Variants in ADAMTSL1 observed in about 807,000 individuals in gnomAD.
ADAMTSL1 encodes the protein ADAMTS like 1, also known as ADAMTS-like protein 1.
Under a neutral mutation model 201.8 loss-of-function variants are expected in ADAMTSL1, and 126 were observed. The ratio of observed to expected loss-of-function variants is 0.62; its 90% CI spans 0.54 to 0.72. The LOEUF (loss-of-function observed/expected upper bound fraction) is 0.72, where lower values mean the gene tolerates loss of function less well. ADAMTSL1 is among the 30% of genes least tolerant of loss of function. ADAMTSL1 has a pLI of 0.00. For missense variants in ADAMTSL1, 2,679 were observed against 2,277.8 expected, an observed-to-expected ratio of 1.18 and a Z score of -3.59; for synonymous variants, 1,121 against 903.4, an observed-to-expected ratio of 1.24 and a Z score of -4.32.
chr9:18,774,359 G>A (rs1820861896), intron 17 of ADAMTSL1, among the ~76,000 whole-genome samples: 1 of 151,950 alleles, frequency 6.6e-6, no homozygotes, highest in Non-Finnish European at 1.5e-5. Context: ...CTTAGAACTT[G>A]AGCCCTCTGT....
intron 20 of ADAMTSL1, among the ~76,000 whole-genome samples, chr9:18,801,028 T>A (rs764326152): frequency 6.6e-6 from 1 of 152,180 alleles, no homozygotes; most frequent in Non-Finnish European, 1.5e-5. Flanking sequence ...AACAAGGATA[T>A]GAGAAGGAAG....
At chr9:18,150,798 C>A (rs764524419) in intron 1 of ADAMTSL1, among the ~76,000 whole-genome samples, 7 of 151,876 alleles carry the variant, frequency 4.6e-5, no homozygotes, top group Non-Finnish European at 8.8e-5. Flanking sequence ...TTGCCTTAAT[C>A]AACAGGAAAG....
chr9:18,585,633 C>A (rs778306185), intron 4 of ADAMTSL1, among the ~76,000 whole-genome samples: 6 of 151,986 alleles, frequency 3.9e-5, no homozygotes, highest in Non-Finnish European at 7.4e-5. Flanking sequence ...CAAAACCTGG[C>A]AGAGAGAGAC....
At chr9:18,571,042 C>T (rs1450978009) in intron 3 of ADAMTSL1, among the ~76,000 whole-genome samples, 1 of 152,164 alleles carries the variant, frequency 6.6e-6, no homozygotes, top group Non-Finnish European at 1.5e-5. Flanking sequence ...AACATTTTAA[C>T]TTCATTGGTT....
rs182452618 is a variant in ADAMTSL1 at position 18,039,514 on chromosome 9, T to A, written c.88-124348T>A. On this transcript the variant is annotated intron_variant, in intron 1 of 29. Transcript: ENST00000680146. ...TATTGGTGTATTTTTATTTTATGAA[T>A]TTTTCTTGTTATGGGATAGGGTTTC... Among the ~76,000 whole-genome samples, 143 of 152,306 alleles carry A rather than the reference T, an allele frequency of 9.4e-4. 3 individuals are homozygous for A. The highest frequency in any genetic ancestry group is 3.1e-3 in the African/African-American group (129 of 41,574).
At chr9:17,926,252 A>T (rs1588426888) in intron 1 of ADAMTSL1, among the ~76,000 whole-genome samples, 1 of 152,204 alleles carries the variant, frequency 6.6e-6, no homozygotes, top group Admixed American at 6.5e-5. Context: ...GTGCTTATTT[A>T]TTGGTATAAG....
At chr9:18,210,912 G>C (rs923282140) in intron 2 of ADAMTSL1, among the ~76,000 whole-genome samples, 1 of 151,654 alleles carries the variant, frequency 6.6e-6, no homozygotes, top group African/African-American at 2.4e-5. Flanking sequence ...TCTAGAGACA[G>C]AGACATTAGA....
intron 1 of ADAMTSL1, among the ~76,000 whole-genome samples, chr9:17,937,415 T>C (rs1357235441): frequency 3.9e-5 from 6 of 152,050 alleles, no homozygotes; most frequent in Admixed American, 1.3e-4. Context: ...GGCTCCACAC[T>C]GCCTCTCAAT....
At chr9:18,565,567 T>C (rs1821832059) in intron 3 of ADAMTSL1, among the ~76,000 whole-genome samples, 1 of 111,904 alleles carries the variant, frequency 8.9e-6, no homozygotes, top group African/African-American at 3.7e-5. Context: ...ATCCTAGTTA[T>C]GAAAAAAAAA....
intron 20 of ADAMTSL1, among the ~76,000 whole-genome samples, chr9:18,802,698 T>G (rs187739176): frequency 3.3e-5 from 5 of 152,326 alleles, no homozygotes; most frequent in Admixed American, 2.6e-4. Flanking sequence ...GTGGACATAT[T>G]TTTTATTTCT....
At chr9:18,631,720 G>T (rs971957833) in intron 5 of ADAMTSL1, among the ~76,000 whole-genome samples, 1 of 152,142 alleles carries the variant, frequency 6.6e-6, no homozygotes, top group African/African-American at 2.4e-5. Context: ...ATTCTATATA[G>T]AAAGTTGTGT....
chr9:18,481,310 C>T (rs1036923414), intron 1 of ADAMTSL1, among the ~76,000 whole-genome samples: 15 of 152,082 alleles, frequency 9.9e-5, no homozygotes, highest in Non-Finnish European at 1.5e-4. Flanking sequence ...TCTGGGAGGC[C>T]GAGGAGGGTG....
chr9:18,025,976 T>A (rs985856783), intron 1 of ADAMTSL1, among the ~76,000 whole-genome samples: 2 of 152,088 alleles, frequency 1.3e-5, no homozygotes, highest in Non-Finnish European at 2.9e-5. Context: ...ACCTCCTTGG[T>A]TAGATGTATT....
chr9:18,799,402 G>A, intron 20 of ADAMTSL1, among the ~76,000 whole-genome samples: 1 of 152,134 alleles, frequency 6.6e-6, no homozygotes. Flanking sequence ...AAATCCGAAT[G>A]GCCTAGGCAA....
chr9:18,718,644 C>G, intron 14 of ADAMTSL1: 1 of 358,726 alleles, frequency 2.8e-6, no homozygotes, highest in South Asian at 2.2e-5. Context: ...CTGCCGCCGC[C>G]GCTCCAGCTG....
intron 2 of ADAMTSL1, among the ~76,000 whole-genome samples, chr9:18,320,756 T>C (rs560786411): frequency 6.6e-6 from 1 of 152,252 alleles, no homozygotes; most frequent in Admixed American, 6.5e-5. Flanking sequence ...GTACCTCTAT[T>C]TCCTGTGAAG....
intron 2 of ADAMTSL1, among the ~76,000 whole-genome samples, chr9:18,429,352 A>T (rs1304390032): frequency 6.6e-6 from 1 of 152,122 alleles, no homozygotes; most frequent in East Asian, 1.9e-4. Flanking sequence ...GGTTAAGGGG[A>T]AAAAAAGAGA....
At chr9:18,160,925 C>A (rs1039354385) in intron 1 of ADAMTSL1, among the ~76,000 whole-genome samples, 1 of 149,616 alleles carries the variant, frequency 6.7e-6, no homozygotes, top group African/African-American at 2.5e-5. Flanking sequence ...TAAGCTCAAG[C>A]ATTCCTCGTG....
intron 20 of ADAMTSL1, among the ~76,000 whole-genome samples, chr9:18,800,377 C>CAAAAAAAAAAAAAAA (rs58346548): frequency 8.2e-5 from 5 of 60,674 alleles, no homozygotes; most frequent in African/African-American, 1.3e-4. Flanking sequence ...AACTCCATCT[C>CAAAAAAAAAAAAAAA]AAAAAAAAAA....
Sources: allele counts gnomAD v4.1 joint callset (sites outside exome capture counted in the v4.1 genomes callset), GRCh38; gene constraint gnomAD v4.1.1; transcripts MANE v1.5; gene names NCBI Gene and HGNC (gene_info 2026-07-23, HGNC 2026-07-21).